Variants in CTDNEP1 observed in about 807,000 individuals in gnomAD.
The protein encoded by CTDNEP1 is C-terminal domain nuclear envelope phosphatase 1.
Under a neutral mutation model 30.1 loss-of-function variants are expected in CTDNEP1, and 3 were observed. The observed-to-expected ratio is 0.10, with a 90% CI of 0.05 to 0.26. The LOEUF (loss-of-function observed/expected upper bound fraction) is 0.26. CTDNEP1 is among the 10% of genes least tolerant of loss of function. The pLI, the probability that CTDNEP1 is intolerant of heterozygous loss-of-function variation, is 1.00. For missense variants in CTDNEP1, 158 were observed against 310.4 expected (o/e 0.51, Z 3.69); for synonymous variants, 123 against 118.8 (o/e 1.04, Z -0.23).
intron 1 of CTDNEP1, among the ~76,000 whole-genome samples, chr17:7,249,558 C>T (rs1567588228): frequency 1.3e-5 from 2 of 152,254 alleles, no homozygotes; most frequent in East Asian, 1.9e-4. Flanking sequence ...AGCACCACTC[C>T]GTATGCCCAG....
chr17:7,247,209 T>C (rs200619740), intron 2 of CTDNEP1, 27 bp from the exon 3 acceptor site: 6 of 1,610,856 alleles, frequency 3.7e-6, no homozygotes, highest in South Asian at 3.3e-5. Flanking sequence ...AGGAATAATA[T>C]TGACCGACCT....
At chr17:7,248,124 G>A (rs901368661) in intron 1 of CTDNEP1, among the ~76,000 whole-genome samples, 1 of 151,092 alleles carries the variant, frequency 6.6e-6, no homozygotes, top group African/African-American at 2.4e-5. Context: ...AGCTGGGCGT[G>A]GTGGTGCGTG....
At position 7,247,050 on chromosome 17, in the gene CTDNEP1, C is replaced by T. The variant is rs1443935422; in HGVS notation, c.288+14G>A. Reference sequence around the variant, plus strand: ...ACAGATGGAACCATTTCATCACTCCCCACCACCACACACCTTGAGGATGAA... The same window carrying T: ...ACAGATGGAACCATTTCATCACTCCTCACCACCACACACCTTGAGGATGAA... On this transcript the variant is annotated intron_variant, in intron 3 of 7. Transcript: ENST00000574322. 1.3e-6 allele frequency: 2 copies of T among 1,585,778 alleles called. No individual in the cohort carries two copies. Among genetic ancestry groups the T allele is most frequent in the Non-Finnish European group, 1.7e-6 (2 of 1,155,922 alleles).
rs2071838406 is a variant in CTDNEP1, at chr17:7,246,423, G to C, written c.361-53C>G. The C allele has an allele frequency of 3.9e-5, 50 of 1,276,910 alleles. 1 individual carries two copies. In the South Asian group the frequency reaches 5.8e-4, roughly 15 times the overall value. The allele number at this position is 1,276,910 out of a possible 1,614,324, so 79.1% of individuals were successfully genotyped here. On this transcript the variant is annotated intron_variant, in intron 4 of 7. Coordinates refer to ENST00000574322, the MANE Select transcript of CTDNEP1 (RefSeq NM_001143775.2). The surrounding 1 kb of genome is among the most constrained non-coding windows in gnomAD (Gnocchi z 4.9). ...GCCATACAAGGTGATGATTCCTTTA[G>C]ACATACAGTTATCTTTCAGAAAGGC...
Position 7,244,621 on chromosome 17 carries a change from TG to T in CTDNEP1, c.603del (p.Ile202SerfsTer33). On this transcript the variant is annotated frameshift_variant, in exon 7 of 8. Coordinates refer to ENST00000574322, the MANE Select transcript of CTDNEP1 (RefSeq NM_001143775.2). LOFTEE classifies it high-confidence loss of function. ...CTGGGGTCACTGAACCAGGATTTGA[TG>T]GGGATGGCATTGTCTAGGGTGGGTG... Reference protein sequence around the residue: ...AYRSHPDNAIPIKSWFSDPSD... With the variant: ...AYRSHPDNAIXIKSWFSDPSD... 1 of 1,612,428 alleles carries T rather than the reference TG, an allele frequency of 6.2e-7. No individual in the cohort carries two copies. Among genetic ancestry groups the T allele is most frequent in the Non-Finnish European group, 8.5e-7 (1 of 1,179,476 alleles).
Position 7,244,634 on chromosome 17 carries a change from G to C in CTDNEP1, c.591C>G (p.Asp197Glu), listed in dbSNP as rs964014580. Residue 197 changes from aspartate to glutamate, a missense_variant and splice_region_variant, in exon 7 of 8, where the codon GAC becomes GAG. Asp to Glu is a conservative substitution (Grantham distance 45). Transcript: ENST00000574322. Reference sequence around the variant, plus strand: ...ACCAGGATTTGATGGGGATGGCATTGTCTAGGGTGGGTGAAAATGCAGATG... The same window carrying C: ...ACCAGGATTTGATGGGGATGGCATTCTCTAGGGTGGGTGAAAATGCAGATG... The part of the protein sequence containing the change: ...NSPGAYRSHP[D>E]NAIPIKSWFS... 1.9e-6 allele frequency: 3 copies of C among 1,585,328 alleles called. No homozygotes were observed. Among genetic ancestry groups the C allele is most frequent in the Non-Finnish European group, 2.6e-6 (3 of 1,169,052 alleles).
intron 1 of CTDNEP1, among the ~76,000 whole-genome samples, chr17:7,247,967 ATAT>A (rs1296820216): frequency 6.6e-6 from 1 of 151,910 alleles, no homozygotes; most frequent in Non-Finnish European, 1.5e-5. Context: ...TGGTCAGTTG[ATAT>A]TAGTAGAATC....
rs533062167 is a variant in CTDNEP1, at chr17:7,250,841, C to G, written c.102+354G>C. On this transcript the variant is annotated intron_variant, in intron 1 of 7. Coordinates refer to ENST00000574322, the MANE Select transcript of CTDNEP1 (RefSeq NM_001143775.2). ...GGTTCCAAATAGGGTCTTTCCCAAGCCCACATCCACAGATCCGGCTGTCAT... is the reference window on the plus strand; with the variant it reads ...GGTTCCAAATAGGGTCTTTCCCAAGGCCACATCCACAGATCCGGCTGTCAT... Among the ~76,000 whole-genome samples the G allele has an allele frequency of 2.4e-4, 36 of 152,234 alleles. No homozygotes were observed. In the South Asian group the frequency reaches 3.9e-3, roughly 17 times the overall value.
chr17:7,247,873 CTAAT>C (rs2071863947), intron 1 of CTDNEP1, among the ~76,000 whole-genome samples: 1 of 152,090 alleles, frequency 6.6e-6, no homozygotes. Context: ...GTTTCTCTCC[CTAAT>C]TAAAATGAAA....
At chr17:7,245,810 TAAAAATGAA>T (rs1358254491) in intron 6 of CTDNEP1, among the ~76,000 whole-genome samples, 6 of 152,224 alleles carry the variant, frequency 3.9e-5, no homozygotes, top group African/African-American at 1.2e-4. Flanking sequence ...AAATAAATTT[TAAAAATGAA>T]AAAAATGATA....
In CTDNEP1 at chr17:7,246,653, C is replaced by T. The variant is rs970163475; in HGVS notation, c.360+138G>A. The T allele has an allele frequency of 4.1e-6, 3 of 728,196 alleles. No homozygotes were observed. 45.1% of individuals were successfully genotyped at this position (728,196 alleles called of 1,614,324 possible). ...AACCCCAAGTACTGAAAGCCACTCC[C>T]CTACCATTACACAGCCTCCCCTCTA... On this transcript the variant is annotated intron_variant, in intron 4 of 7. Coordinates refer to ENST00000574322, the MANE Select transcript of CTDNEP1 (RefSeq NM_001143775.2). This position sits in a 1 kb window ranked among gnomAD's most constrained non-coding sequence, Gnocchi z 4.9.
Position 7,251,357 on chromosome 17 carries a change from G to C in CTDNEP1, c.-61C>G. ...CGCGGCCCAGCTCCGCCAGCCCCCC[G>C]GGGGCAGCCCCCCGCCGCCGGGAGG... On this transcript the variant is annotated 5_prime_UTR_variant, in exon 1 of 8. Transcript: ENST00000574322. 1 of 1,182,510 alleles carries C rather than the reference G, an allele frequency of 8.5e-7. No homozygotes were observed. The highest frequency in any genetic ancestry group is 1.1e-6 in the Non-Finnish European group (1 of 899,844). 73.3% of individuals were successfully genotyped at this position (1,182,510 alleles called of 1,614,324 possible). A position where few individuals can be genotyped will look rare whatever the true frequency, so the allele number is the denominator to read the frequency against.
At chr17:7,245,590 C>T (rs1259665704) in intron 6 of CTDNEP1, among the ~76,000 whole-genome samples, 6 of 151,848 alleles carry the variant, frequency 4.0e-5, no homozygotes, top group African/African-American at 1.5e-4. Flanking sequence ...CCTCCGCCTC[C>T]CGGGTTCAAG....
intron 1 of CTDNEP1, among the ~76,000 whole-genome samples, chr17:7,248,784 C>A (rs2071877453): frequency 6.6e-6 from 1 of 152,192 alleles, no homozygotes; most frequent in Non-Finnish European, 1.5e-5. Context: ...GCCTCAGATT[C>A]CCTAGTGCAC....
At chr17:7,250,086 G>A (rs2071892744) in intron 1 of CTDNEP1, among the ~76,000 whole-genome samples, 3 of 152,046 alleles carry the variant, frequency 2.0e-5, no homozygotes, top group Admixed American at 1.3e-4. Flanking sequence ...GTAAAGGACA[G>A]AATGAACCCA....
Position 7,243,730 on chromosome 17 carries a change from G to T in CTDNEP1, c.*455C>A, listed in dbSNP as rs372251830. On this transcript the variant is annotated 3_prime_UTR_variant, in exon 8 of 8. Transcript: ENST00000574322. The stretch of plus-strand genomic sequence containing the variant: ...GGGACAAATTTAGGGAAAATCCAGT[G>T]GCCCAAAATCCCAGTATCCCACCCA... 5.9e-6 allele frequency: 1 copy of T among 168,638 alleles called. No homozygotes were observed. Among genetic ancestry groups the T allele is most frequent in the Admixed American group, 6.1e-5 (1 of 16,492 alleles). The allele number at this position is 168,638 out of a possible 1,614,324, so 10.4% of individuals were successfully genotyped here.
chr17:7,245,012 G>T (rs1035972310), intron 6 of CTDNEP1, among the ~76,000 whole-genome samples: 3 of 152,118 alleles, frequency 2.0e-5, no homozygotes, highest in Non-Finnish European at 2.9e-5. Context: ...CAAAAAATTG[G>T]CCAAGGGCAG....
intron 1 of CTDNEP1, among the ~76,000 whole-genome samples, chr17:7,248,259 CAAAAAAAAAAAAAA>C (rs755835552): frequency 2.6e-4 from 4 of 15,406 alleles, no homozygotes; most frequent in Non-Finnish European, 6.6e-4. Flanking sequence ...GACTCCGTCG[CAAAAAAAAAAAAAA>C]AAAAAAAAAA....
chr17:7,244,126 C>T lies in CTDNEP1; in HGVS notation c.*59G>A, dbSNP rs1201536343. 2.0e-5 allele frequency: 32 copies of T among 1,608,738 alleles called. No homozygotes were observed. In the East Asian group the frequency reaches 6.7e-4, roughly 34 times the overall value. The stretch of plus-strand genomic sequence containing the variant: ...CATTGGACAGGGCATCAGACGGCAT[C>T]CCAAGGGCTCGCCCTCCCTTTCCCC... On this transcript the variant is annotated 3_prime_UTR_variant, in exon 8 of 8. Coordinates refer to ENST00000574322, the MANE Select transcript of CTDNEP1 (RefSeq NM_001143775.2).
Sources: gnomAD v4.1 joint callset for allele counts (sites outside exome capture counted in the v4.1 genomes callset) on GRCh38, gnomAD v4.1.1 for gene constraint, Gnocchi (gnomAD v3.1) non-coding constraint, MANE v1.5 for transcripts, NCBI Gene and HGNC (gene_info 2026-07-23, HGNC 2026-07-21) for gene names.